Variants in BCAS4 observed in about 807,000 individuals in gnomAD.
BCAS4 encodes the protein breast carcinoma-amplified sequence 4.
In BCAS4, 9 loss-of-function variants were observed where a neutral mutation model predicts 15.7. That is an observed-to-expected ratio of 0.57 (90% CI 0.34 to 1.00). BCAS4 has a LOEUF of 1.00. Ranked by LOEUF, BCAS4 falls within the 50% of genes least tolerant of loss-of-function variation. The probability of loss-of-function intolerance (pLI) is 0.02; values close to 1 mark genes in which losing one functional copy is unlikely to be tolerated. For missense variants in BCAS4, 225 were observed against 239.1 expected (o/e 0.94, Z 0.39); for synonymous variants, 101 against 99.5 (o/e 1.02, Z -0.09).
intron 4 of BCAS4, among the ~76,000 whole-genome samples, chr20:50,860,092 C>T (rs1033873323): frequency 5.3e-5 from 8 of 152,228 alleles, no homozygotes; most frequent in Admixed American, 2.6e-4. Flanking sequence ...GCTGTGATTG[C>T]ACCACTGCAC....
At chr20:50,807,976 C>T (rs1465230606) in intron 1 of BCAS4, among the ~76,000 whole-genome samples, 1 of 147,614 alleles carries the variant, frequency 6.8e-6, no homozygotes, top group Non-Finnish European at 1.5e-5. Flanking sequence ...GGCGTGATCT[C>T]GGCTCACTGC....
At chr20:50,838,584 C>T (rs2088438393) in intron 3 of BCAS4, among the ~76,000 whole-genome samples, 1 of 152,104 alleles carries the variant, frequency 6.6e-6, no homozygotes, top group Non-Finnish European at 1.5e-5. Flanking sequence ...GTGCCTCACA[C>T]CTGTAATCCC....
chr20:50,854,248 C>T (rs1306536471), intron 4 of BCAS4, among the ~76,000 whole-genome samples: 1 of 152,120 alleles, frequency 6.6e-6, no homozygotes, highest in Non-Finnish European at 1.5e-5. Context: ...GAGTCTCAAC[C>T]TCCCCCTCTG....
At chr20:50,834,395 G>A (rs1050561551) in intron 3 of BCAS4, among the ~76,000 whole-genome samples, 6 of 147,522 alleles carry the variant, frequency 4.1e-5, no homozygotes, top group East Asian at 2.0e-4. Context: ...TCCCAGGTTC[G>A]AGCGATTCTC....
intron 2 of BCAS4, among the ~76,000 whole-genome samples, chr20:50,819,109 G>A (rs1230579324): frequency 6.6e-6 from 1 of 152,050 alleles, no homozygotes; most frequent in Non-Finnish European, 1.5e-5. Context: ...CTTGAACCCG[G>A]AAGGTGGAGG....
chr20:50,804,312 T>A (rs2123751020), intron 1 of BCAS4, among the ~76,000 whole-genome samples: 1 of 152,326 alleles, frequency 6.6e-6, no homozygotes. Context: ...GTGCTGGGAT[T>A]ATAGGTATGA....
Position 50,876,876 on chromosome 20 carries a change from T to G in BCAS4, c.*268T>G. ...ATTTTCAAATTTCCTCCCTGCCTCA[T>G]GTGAGACCACAGGGTTTGGAGAAGC... is the stretch of plus-strand genomic sequence containing the variant. On this transcript the variant is annotated 3_prime_UTR_variant, in exon 5 of 5. Transcript: ENST00000371608. 3.6e-6 allele frequency: 1 copy of G among 279,126 alleles called. No homozygotes were observed. Among genetic ancestry groups the G allele is most frequent in the Non-Finnish European group, 6.6e-6 (1 of 151,572 alleles). 17.3% of individuals were successfully genotyped at this position (279,126 alleles called of 1,614,324 possible).
intron 1 of BCAS4, among the ~76,000 whole-genome samples, chr20:50,800,136 A>G (rs2087910260): frequency 6.6e-6 from 1 of 152,192 alleles, no homozygotes; most frequent in Non-Finnish European, 1.5e-5. Flanking sequence ...GAGATAGGGC[A>G]CCTGTGTGTG....
intron 2 of BCAS4, among the ~76,000 whole-genome samples, chr20:50,827,185 C>T (rs1017878663): frequency 2.6e-5 from 4 of 152,228 alleles, no homozygotes; most frequent in African/African-American, 4.8e-5. Flanking sequence ...TAGTCTATTC[C>T]GGTCTGTGAC....
intron 2 of BCAS4, among the ~76,000 whole-genome samples, chr20:50,821,601 G>A (rs1284452051): frequency 6.6e-6 from 1 of 152,182 alleles, no homozygotes; most frequent in East Asian, 1.9e-4. Context: ...AGCAGGTGAT[G>A]TCACACCACG....
At chr20:50,823,896 T>G (rs953145744) in intron 2 of BCAS4, among the ~76,000 whole-genome samples, 1 of 152,144 alleles carries the variant, frequency 6.6e-6, no homozygotes, top group Non-Finnish European at 1.5e-5. Context: ...TGCGGATTCA[T>G]CAAGCTGTCC....
chr20:50,865,606 G>T (rs1459527846), intron 4 of BCAS4, among the ~76,000 whole-genome samples: 1 of 152,210 alleles, frequency 6.6e-6, no homozygotes, highest in Non-Finnish European at 1.5e-5. Context: ...TGTCCCTGCT[G>T]CTGGCTCGCC....
chr20:50,796,430 CTTTT>C (rs1357307454), intron 1 of BCAS4, among the ~76,000 whole-genome samples: 1 of 86,400 alleles, frequency 1.2e-5, no homozygotes, highest in Non-Finnish European at 2.4e-5. Context: ...TGAGTTTTCT[CTTTT>C]TTCTTTTTCT....
intron 1 of BCAS4, among the ~76,000 whole-genome samples, chr20:50,815,098 T>C (rs993937427): frequency 4.6e-5 from 7 of 152,208 alleles, no homozygotes; most frequent in Non-Finnish European, 8.8e-5. Context: ...GGCCTGATGG[T>C]TCCTGTCACA....
chr20:50,877,688 C>T (rs1167941369), downstream of BCAS4: 1 of 152,164 alleles, frequency 6.6e-6, no homozygotes, highest in Non-Finnish European at 1.5e-5. Context: ...TTCTACTGCA[C>T]CCTAGCATGT....
intron 4 of BCAS4, among the ~76,000 whole-genome samples, chr20:50,854,201 C>G (rs542183128): frequency 2.4e-4 from 37 of 152,240 alleles, no homozygotes; most frequent in African/African-American, 8.4e-4. Flanking sequence ...GGTTTTGTAT[C>G]TTGGTGGTGC....
intron 4 of BCAS4, among the ~76,000 whole-genome samples, chr20:50,873,806 G>A (rs1051193070): frequency 6.6e-6 from 1 of 152,212 alleles, no homozygotes; most frequent in Non-Finnish European, 1.5e-5. Context: ...ACTGAGGATT[G>A]GCTGGGCACA....
intron 3 of BCAS4, chr20:50,841,012 C>G: frequency 2.5e-6 from 1 of 397,624 alleles, no homozygotes; most frequent in Non-Finnish European, 4.7e-6. Context: ...GTATTTTTAG[C>G]AGAGACGCAG....
chr20:50,795,288 A>T lies in BCAS4; in HGVS notation c.90+115A>T, dbSNP rs548688125. 21 of 984,254 alleles carry T rather than the reference A, an allele frequency of 2.1e-5. No homozygotes were observed. In the South Asian group the frequency reaches 6.6e-4, roughly 31 times the overall value. 61.0% of individuals were successfully genotyped at this position (984,254 alleles called of 1,614,324 possible). A position where few individuals can be genotyped will look rare whatever the true frequency, so the allele number is the denominator to read the frequency against. ...CGCTCCCGGAGTGGGGGGCCCGGGG[A>T]TTCCCCCCTTCCTGAAGGGTGGCTG... On this transcript the variant is annotated intron_variant, in intron 1 of 4. Coordinates refer to ENST00000371608, the MANE Select transcript of BCAS4 (RefSeq NM_198799.4).
Sources: gnomAD v4.1 joint callset for allele counts (sites outside exome capture counted in the v4.1 genomes callset) on GRCh38, gnomAD v4.1.1 for gene constraint, MANE v1.5 for transcripts, NCBI Gene and HGNC (gene_info 2026-07-23, HGNC 2026-07-21) for gene names.